Variants in EXTL3 observed in about 807,000 individuals in gnomAD.
EXTL3 encodes the protein exostosin-like 3.
In EXTL3, 27 loss-of-function variants were observed where a neutral mutation model predicts 69.3. The observed-to-expected ratio is 0.39, with a 90% CI of 0.29 to 0.54. The LOEUF (loss-of-function observed/expected upper bound fraction) is 0.54, where lower values mean the gene tolerates loss of function less well. Among genes scored for constraint, EXTL3 ranks in the 20% least tolerant of loss-of-function variants. EXTL3 has a pLI of 0.69. For missense variants in EXTL3, 1,003 were observed against 1,231.8 expected (o/e 0.81, Z 2.78); for synonymous variants, 511 against 499.4 (o/e 1.02, Z -0.31).
chr8:28,735,066 T>TA (rs568758394), intron 4 of EXTL3, among the ~76,000 whole-genome samples: 3,803 of 150,670 alleles, frequency 0.025, 168 homozygotes, highest in African/African-American at 0.088. Context: ...CAGCTGTGAT[T>TA]AAAAAAAAAA....
At chr8:28,731,762 G>C (rs1257871012) in intron 4 of EXTL3, among the ~76,000 whole-genome samples, 1 of 152,132 alleles carries the variant, frequency 6.6e-6, no homozygotes. Context: ...ACATGTTGCT[G>C]TGTGTTGGAG....
chr8:28,613,777 A>T (rs1315830169), intron 2 of EXTL3, among the ~76,000 whole-genome samples: 1 of 151,858 alleles, frequency 6.6e-6, no homozygotes, highest in Non-Finnish European at 1.5e-5. Context: ...TTCTTTAATG[A>T]TCCTTTTAAT....
chr8:28,722,839 G>C (rs1801327294), intron 3 of EXTL3, among the ~76,000 whole-genome samples: 1 of 149,048 alleles, frequency 6.7e-6, no homozygotes, highest in Non-Finnish European at 1.5e-5. Context: ...TTTTCCCTCT[G>C]TCCCAGCCCT....
intron 1 of EXTL3, among the ~76,000 whole-genome samples, chr8:28,644,251 G>T (rs909556612): frequency 6.6e-6 from 1 of 152,098 alleles, no homozygotes; most frequent in Non-Finnish European, 1.5e-5. Flanking sequence ...TATATAAAGA[G>T]ATCACAATTA....
In EXTL3 at chr8:28,754,624, T is replaced by A. The variant is rs983582184; in HGVS notation, c.*3758T>A. 1.3e-5 allele frequency: 2 copies of A among 152,212 alleles called. No homozygotes were observed. The allele number at this position is 152,212 out of a possible 1,614,324, so 9.4% of individuals were successfully genotyped here. A position where few individuals can be genotyped will look rare whatever the true frequency, so the allele number is the denominator to read the frequency against. On this transcript the variant is annotated 3_prime_UTR_variant, in exon 7 of 7. Coordinates refer to ENST00000220562, the MANE Select transcript of EXTL3 (RefSeq NM_001440.4). ...GCATGAGGCTGTAGAAAATGTGTCT[T>A]CCTATACACAGAGATATGATGTCTG...
At position 28,673,646 on chromosome 8, in the gene EXTL3, T is replaced by A. The variant is rs571167527; in HGVS notation, c.-52-39811T>A. Among the ~76,000 whole-genome samples, 62 of 152,300 alleles carry A rather than the reference T, an allele frequency of 4.1e-4. 2 individuals are homozygous for A. The South Asian group carries it at 0.012, about 29-fold the overall frequency. On this transcript the variant is annotated intron_variant, in intron 1 of 6. Transcript: ENST00000523149. ...GTGTGAGTCAATTCCTTACAATTAA[T>A]CAATCCCTCTCTCTTTTTCATTGTG...
intron 1 of EXTL3, among the ~76,000 whole-genome samples, chr8:28,675,193 C>T (rs906866615): frequency 2.0e-5 from 3 of 152,154 alleles, no homozygotes; most frequent in African/African-American, 7.2e-5. Context: ...AGGCCAAACT[C>T]CTCAGCTGAG....
intron 4 of EXTL3, among the ~76,000 whole-genome samples, chr8:28,735,963 C>A (rs1195707776): frequency 6.6e-6 from 1 of 151,960 alleles, no homozygotes; most frequent in Non-Finnish European, 1.5e-5. Context: ...TTCATAGAGA[C>A]GGAGAGTAGA....
intron 1 of EXTL3, among the ~76,000 whole-genome samples, chr8:28,689,488 C>A (rs1800578364): frequency 6.6e-6 from 1 of 152,172 alleles, no homozygotes; most frequent in Admixed American, 6.5e-5. Context: ...TATTCTAAGT[C>A]ATTCTCTCTT....
chr8:28,716,957 C>T lies in EXTL3; in HGVS notation c.898C>T (p.Gln300Ter). The change falls in exon 3 of 7, where the codon CAG becomes TAG. Residue 300 changes from glutamine (Q) to a stop codon, truncating the protein, a stop_gained. Coordinates refer to ENST00000220562, the MANE Select transcript of EXTL3 (RefSeq NM_001440.4). LOFTEE classifies it high-confidence loss of function. This position sits in a 1 kb window ranked among gnomAD's most constrained non-coding sequence, Gnocchi z 7.1. ...CAGTACTGGCCGTGCCATGGTGGCC[C>T]AGTCCACCTTCTACACTGTCCAGTA... ...NVSTGRAMVA[Q>*]STFYTVQYRP... The T allele has an allele frequency of 1.2e-6, 2 of 1,614,226 alleles. No individual in the cohort carries two copies. The highest frequency in any genetic ancestry group is 1.7e-6 in the Non-Finnish European group (2 of 1,180,032).
chr8:28,636,808 C>T (rs1806663474), intron 1 of EXTL3, among the ~76,000 whole-genome samples: 1 of 152,100 alleles, frequency 6.6e-6, no homozygotes, highest in Non-Finnish European at 1.5e-5. Context: ...GTCAGGAATT[C>T]GAGACCAGCC....
chr8:28,707,452 A>G (rs1381541758), intron 1 of EXTL3, among the ~76,000 whole-genome samples: 2 of 152,252 alleles, frequency 1.3e-5, no homozygotes, highest in Admixed American at 6.5e-5. Context: ...ATCAGTAGCA[A>G]TTATGAAAAA....
intron 1 of EXTL3, among the ~76,000 whole-genome samples, chr8:28,627,640 A>G (rs1234821028): frequency 6.6e-6 from 1 of 152,226 alleles, no homozygotes; most frequent in Non-Finnish European, 1.5e-5. Flanking sequence ...TTATACATCC[A>G]TGTACCTAGC....
chr8:28,639,143 G>T (rs567150507), intron 1 of EXTL3, among the ~76,000 whole-genome samples: 1 of 151,608 alleles, frequency 6.6e-6, no homozygotes, highest in Non-Finnish European at 1.5e-5. Flanking sequence ...TCACCATGTT[G>T]GTCTGGCCCG....
chr8:28,679,555 C>A (rs970754648), intron 1 of EXTL3, among the ~76,000 whole-genome samples: 2 of 151,954 alleles, frequency 1.3e-5, no homozygotes, highest in South Asian at 2.1e-4. Context: ...CTGGGCAACA[C>A]AGGGAGACCC....
chr8:28,730,502 G>T (rs1000404428), intron 3 of EXTL3, among the ~76,000 whole-genome samples: 1 of 152,106 alleles, frequency 6.6e-6, no homozygotes, highest in Non-Finnish European at 1.5e-5. Flanking sequence ...ACTGAGATAT[G>T]GTTAAATAAA....
rs572966176 is a variant in EXTL3 at position 28,661,343 on chromosome 8, TTA to T, written c.-53+38546_-53+38547del. On this transcript the variant is annotated intron_variant, in intron 1 of 6. Transcript: ENST00000523149. Reference sequence around the variant, plus strand: ...GCTTTATGTATATGAGCTTTATGTTTTATATATATATATACACACACACATAT... The same window carrying T: ...GCTTTATGTATATGAGCTTTATGTTTTATATATATATACACACACACATAT... Among the ~76,000 whole-genome samples, 198 of 148,724 alleles carry T rather than the reference TTA, an allele frequency of 1.3e-3. 1 individual carries two copies. Among genetic ancestry groups the T allele is most frequent in the African/African-American group, 4.0e-3 (159 of 40,022 alleles).
intron 1 of EXTL3, among the ~76,000 whole-genome samples, chr8:28,644,525 C>T (rs1806798270): frequency 6.6e-6 from 1 of 151,858 alleles, no homozygotes; most frequent in African/African-American, 2.4e-5. Context: ...AGAGTGAGAC[C>T]CCATCTCTAC....
chr8:28,729,725 G>A (rs1013926952), intron 3 of EXTL3, among the ~76,000 whole-genome samples: 9 of 152,006 alleles, frequency 5.9e-5, no homozygotes, highest in Non-Finnish European at 1.0e-4. Flanking sequence ...TTAGGACCGG[G>A]CGTGGTGGCT....
Sources: allele counts gnomAD v4.1 joint callset (sites outside exome capture counted in the v4.1 genomes callset), GRCh38; gene constraint gnomAD v4.1.1; non-coding constraint Gnocchi (gnomAD v3.1); transcripts MANE v1.5; gene names NCBI Gene and HGNC (gene_info 2026-07-23, HGNC 2026-07-21).